The following DNAL1 variants were observed in gnomAD, a reference collection of about 807,000 sequenced individuals.
The protein encoded by DNAL1 is dynein axonemal light chain 1, also known as chromosome 14 open reading frame 168.
In DNAL1, 17 loss-of-function variants were observed where a neutral mutation model predicts 29.4. The observed-to-expected ratio is 0.58, with a 90% CI of 0.40 to 0.87. The LOEUF (loss-of-function observed/expected upper bound fraction) is 0.87. DNAL1 is among the 40% of genes least tolerant of loss of function. The pLI is 0.00. For missense variants in DNAL1, 188 were observed against 214.1 expected, an observed-to-expected ratio of 0.88 and a Z score of 0.76; for synonymous variants, 78 against 76.3, an observed-to-expected ratio of 1.02 and a Z score of -0.12.
chr14:73,666,834 A>G (rs2075672026), intron 4 of DNAL1, among the ~76,000 whole-genome samples: 1 of 152,034 alleles, frequency 6.6e-6, no homozygotes, highest in South Asian at 2.1e-4. Context: ...AAGCATTTTC[A>G]GTATTTGGCT....
At chr14:73,649,518 G>A (rs1477377378) in intron 1 of DNAL1, among the ~76,000 whole-genome samples, 1 of 148,302 alleles carries the variant, frequency 6.7e-6, no homozygotes, top group African/African-American at 2.5e-5. Flanking sequence ...TCCTGACCTC[G>A]TGATCCGCCC....
In DNAL1 at chr14:73,695,970, T is replaced by C. The variant is rs745458639; in HGVS notation, c.*28T>C. ...CCACGCTTTCCACTGTGTGTTAACT[T>C]ATTTAAATGTCATAAGAACAATAGA... On this transcript the variant is annotated 3_prime_UTR_variant, in exon 8 of 8. Transcript: ENST00000553645. 1 of 1,560,104 alleles carries C rather than the reference T, an allele frequency of 6.4e-7. No homozygotes were observed. The highest frequency in any genetic ancestry group is 1.9e-5 in the Admixed American group (1 of 53,658).
chr14:73,669,412 G>C (rs187914932), intron 4 of DNAL1, among the ~76,000 whole-genome samples: 1 of 152,064 alleles, frequency 6.6e-6, no homozygotes, highest in Non-Finnish European at 1.5e-5. Flanking sequence ...AAGTAGCTGG[G>C]ATTACAGGCA....
At chr14:73,684,732 A>G (rs1433181130) in intron 5 of DNAL1, among the ~76,000 whole-genome samples, 1 of 151,742 alleles carries the variant, frequency 6.6e-6, no homozygotes, top group African/African-American at 2.4e-5. Context: ...TTGTCTCTAC[A>G]AAAAAAAATT....
chr14:73,690,262 G>T lies in DNAL1; in HGVS notation c.532+747G>T, dbSNP rs75286453. Among the ~76,000 whole-genome samples, 628 of 151,992 alleles carry T rather than the reference G, an allele frequency of 4.1e-3. 2 individuals are homozygous for T. The highest frequency in any genetic ancestry group is 0.015 in the African/African-American group (602 of 41,444). On this transcript the variant is annotated intron_variant, in intron 7 of 7. Coordinates refer to ENST00000553645, the MANE Select transcript of DNAL1 (RefSeq NM_031427.4). ...GATATAAATTTCCTTCTGCTATGTTGGATTAAAGCTGGAATTATTCAGGGT... is the reference window on the plus strand; with the variant it reads ...GATATAAATTTCCTTCTGCTATGTTTGATTAAAGCTGGAATTATTCAGGGT...
At chr14:73,656,012 A>G (rs976009836) in intron 2 of DNAL1, among the ~76,000 whole-genome samples, 6 of 152,140 alleles carry the variant, frequency 3.9e-5, no homozygotes, top group Non-Finnish European at 7.4e-5. Flanking sequence ...TTATTTGTCT[A>G]TGTTGTCAGT....
chr14:73,657,166 A>T (rs945514491), intron 2 of DNAL1, among the ~76,000 whole-genome samples: 1 of 152,104 alleles, frequency 6.6e-6, no homozygotes, highest in Admixed American at 6.6e-5. Flanking sequence ...TATACAAAAC[A>T]TAGGAAAACA....
intron 5 of DNAL1, among the ~76,000 whole-genome samples, chr14:73,678,511 C>CTTTTTTTTTTTTTTT (rs11379191): frequency 8.5e-6 from 1 of 118,192 alleles, no homozygotes; most frequent in Non-Finnish European, 1.7e-5. Flanking sequence ...AGCAGGTATT[C>CTTTTTTTTTTTTTTT]TTTTTTTTTT....
chr14:73,651,033 ATTAG>A (rs1480324436), intron 1 of DNAL1: 5 of 152,216 alleles, frequency 3.3e-5, no homozygotes, highest in African/African-American at 4.8e-5. Context: ...TAATCCATTA[ATTAG>A]TTATATTTAT....
At chr14:73,654,250 G>A (rs1410424425) in intron 1 of DNAL1, among the ~76,000 whole-genome samples, 2 of 152,292 alleles carry the variant, frequency 1.3e-5, no homozygotes, top group South Asian at 2.1e-4. Context: ...AGTATTGAAA[G>A]CTACATATTT....
rs1336041578 is a variant in DNAL1 at position 73,702,994 on chromosome 14, C to A, written c.*7052C>A. The A allele has an allele frequency of 6.6e-6, 1 of 152,068 alleles. No homozygotes were observed. The highest frequency in any genetic ancestry group is 2.4e-5 in the African/African-American group (1 of 41,362). The allele number at this position is 152,068 out of a possible 1,614,324, so 9.4% of individuals were successfully genotyped here. ...AATTAGTTGGGCATGGCAATGCCGCCTGTGGTCCTAGCTACTGGGGAGGCT... is the reference window on the plus strand; with the variant it reads ...AATTAGTTGGGCATGGCAATGCCGCATGTGGTCCTAGCTACTGGGGAGGCT... On this transcript the variant is annotated 3_prime_UTR_variant, in exon 8 of 8. Coordinates refer to ENST00000553645, the MANE Select transcript of DNAL1 (RefSeq NM_031427.4).
chr14:73,650,257 G>A (rs1891083562), intron 1 of DNAL1, among the ~76,000 whole-genome samples: 1 of 152,144 alleles, frequency 6.6e-6, no homozygotes, highest in Admixed American at 6.6e-5. Context: ...CCAAAGTACT[G>A]GGATTATAGG....
At chr14:73,689,554 C>T in intron 7 of DNAL1, 39 bp downstream of exon 7, 2 of 1,572,544 alleles carry the variant, frequency 1.3e-6, no homozygotes, top group Non-Finnish European at 8.6e-7. Flanking sequence ...ATCTTCTAGG[C>T]ATAAAAATGG....
Position 73,689,522 on chromosome 14 carries a change from G to A in DNAL1, c.532+7G>A. ...AAACTGAAAAAGCTGGATGGTGAGT[G>A]ATTCTGAGCTGGCTTAGACATATCT... On this transcript the variant is annotated splice_region_variant and intron_variant, in intron 7 of 7. Coordinates refer to ENST00000553645, the MANE Select transcript of DNAL1 (RefSeq NM_031427.4). 6.3e-7 allele frequency: 1 copy of A among 1,588,400 alleles called. No homozygotes were observed. Among genetic ancestry groups the A allele is most frequent in the South Asian group, 1.2e-5 (1 of 86,568 alleles).
chr14:73,680,841 C>G (rs970190738), intron 5 of DNAL1, among the ~76,000 whole-genome samples: 2 of 152,112 alleles, frequency 1.3e-5, no homozygotes, highest in African/African-American at 4.8e-5. Flanking sequence ...TGCTCCTAGG[C>G]GACAAACCTG....
At chr14:73,680,934 A>C (rs1215129944) in intron 5 of DNAL1, among the ~76,000 whole-genome samples, 2 of 152,238 alleles carry the variant, frequency 1.3e-5, no homozygotes, top group African/African-American at 2.4e-5. Context: ...GAAAAAGTAC[A>C]GTAAAAATAC....
intron 5 of DNAL1, among the ~76,000 whole-genome samples, chr14:73,681,620 A>AT (rs1566888716): frequency 3.1e-3 from 209 of 66,992 alleles, no homozygotes; most frequent in African/African-American, 5.7e-3. Flanking sequence ...AAAAAAAAAA[A>AT]AAAAAAAAAA....
chr14:73,657,093 T>C (rs1891236070), intron 2 of DNAL1, among the ~76,000 whole-genome samples: 1 of 151,940 alleles, frequency 6.6e-6, no homozygotes, highest in Admixed American at 6.6e-5. Context: ...CTATTTTCTA[T>C]TATTGACATG....
chr14:73,687,400 G>A lies in DNAL1; in HGVS notation c.391+15G>A. On this transcript the variant is annotated intron_variant, in intron 6 of 7. Transcript: ENST00000553645. ...AAAAGACTGGGGTAAGCTGAGAGTG[G>A]CCCTTTGCTAACCTTCTACCGCCTG... The A allele has an allele frequency of 1.3e-6, 2 of 1,568,510 alleles. No homozygotes were observed. Among genetic ancestry groups the A allele is most frequent in the Non-Finnish European group, 8.6e-7 (1 of 1,158,518 alleles).
Sources: gnomAD v4.1 joint callset for allele counts (sites outside exome capture counted in the v4.1 genomes callset) on GRCh38, gnomAD v4.1.1 for gene constraint, MANE v1.5 for transcripts, NCBI Gene and HGNC (gene_info 2026-07-23, HGNC 2026-07-21) for gene names.